The following CACNA1C variants were observed in gnomAD, a reference collection of about 807,000 sequenced individuals.
CACNA1C encodes the protein voltage-dependent L-type calcium channel subunit alpha-1C.
Under a neutral mutation model 229.0 loss-of-function variants are expected in CACNA1C, and 30 were observed. The ratio of observed to expected loss-of-function variants is 0.13; its 90% CI spans 0.10 to 0.18. The LOEUF is 0.18. Among genes scored for constraint, CACNA1C ranks in the 10% least tolerant of loss-of-function variants. The probability of loss-of-function intolerance (pLI) is 1.00; values close to 1 mark genes in which losing one functional copy is unlikely to be tolerated. For synonymous variants in CACNA1C, 1,114 were observed against 1,132.5 expected (o/e 0.98, Z 0.33); for missense variants, 1,658 against 2,845.0 (o/e 0.58, Z 9.49).
At position 2,371,724 on chromosome 12, in the gene CACNA1C, C is replaced by CT. The variant is rs61627008; in HGVS notation, c.478-77230dup. ...CAAGCACATACTAAATGACATATGGCTTTTTTTTTTTTTTTTTTTTTTAAT... is the reference window on the plus strand; with the variant it reads ...CAAGCACATACTAAATGACATATGGCTTTTTTTTTTTTTTTTTTTTTTTAAT... On this transcript the variant is annotated intron_variant, in intron 3 of 46. Transcript: ENST00000399655. 5.8e-3 allele frequency among the ~76,000 whole-genome samples: 742 copies of CT among 128,966 alleles called. 4 individuals are homozygous for CT. The highest frequency in any genetic ancestry group is 6.7e-3 in the Non-Finnish European group (413 of 62,014). 84.6% of individuals were successfully genotyped at this position (128,966 alleles called of 152,430 possible).
At chr12:1,973,947 C>T (rs2033422776) in intron 1 of CACNA1C, among the ~76,000 whole-genome samples, 1 of 152,184 alleles carries the variant, frequency 6.6e-6, no homozygotes, top group African/African-American at 2.4e-5. Flanking sequence ...TTTCTCACTC[C>T]TCTAGGAATA....
intron 1 of CACNA1C, among the ~76,000 whole-genome samples, chr12:2,001,697 T>C (rs367754215): frequency 4.6e-4 from 70 of 152,306 alleles, no homozygotes; most frequent in African/African-American, 1.6e-3. Context: ...GAGGTTTTAG[T>C]TTGGCATTTT....
At chr12:2,527,780 G>T (rs2099823995) in intron 9 of CACNA1C, among the ~76,000 whole-genome samples, 2 of 152,142 alleles carry the variant, frequency 1.3e-5, no homozygotes, top group African/African-American at 4.8e-5. Flanking sequence ...TCCCCACAGG[G>T]GAGAGCATCT....
intron 28 of CACNA1C, 132 bp downstream of exon 28, chr12:2,610,831 C>G (rs547979044): frequency 4.0e-5 from 35 of 873,968 alleles, no homozygotes; most frequent in Non-Finnish European, 5.6e-5. Flanking sequence ...TGGAGAAAGA[C>G]GAGTGTTCTC....
chr12:1,993,249 G>C, intron 1 of CACNA1C: 1 of 1,614,052 alleles, frequency 6.2e-7, no homozygotes, highest in Non-Finnish European at 8.5e-7. Flanking sequence ...ACCCACTGTA[G>C]TAAGAAAGAC....
chr12:2,461,086 C>T (rs1385438032), intron 5 of CACNA1C, among the ~76,000 whole-genome samples: 1 of 152,214 alleles, frequency 6.6e-6, no homozygotes, highest in Non-Finnish European at 1.5e-5. Context: ...AGAGTTGCCT[C>T]TACCTGTTGT....
intron 3 of CACNA1C, among the ~76,000 whole-genome samples, chr12:2,433,875 C>A (rs2154558974): frequency 6.6e-6 from 1 of 152,286 alleles, no homozygotes; most frequent in South Asian, 2.1e-4. Context: ...GCTGGGGAGA[C>A]AATTTGGGGC....
chr12:2,530,345 T>G (rs2099837907), intron 9 of CACNA1C, among the ~76,000 whole-genome samples: 1 of 152,248 alleles, frequency 6.6e-6, no homozygotes, highest in Non-Finnish European at 1.5e-5. Context: ...TGCATATTGA[T>G]AAATATGTTT....
Position 2,654,876 on chromosome 12 carries a change from CA to C in CACNA1C, c.4141-270del, listed in dbSNP as rs1226260037. 5.3e-5 allele frequency among the ~76,000 whole-genome samples: 8 copies of C among 152,198 alleles called. No homozygotes were observed. The highest frequency in any genetic ancestry group is 1.7e-4 in the African/African-American group (7 of 41,456). On this transcript the variant is annotated intron_variant, in intron 33 of 46. Transcript: ENST00000399655. This position sits in a 1 kb window ranked among gnomAD's most constrained non-coding sequence, Gnocchi z 4.4. ...GAAGCAGGATCCCGGTCCCAGCATC[CA>C]CCGCTCTCAGCCCCAGCTCCCACTG... is the stretch of plus-strand genomic sequence containing the variant.
Position 2,512,906 on chromosome 12 carries a change from C to T in CACNA1C, c.1312C>T (p.Leu438=). 6.2e-7 allele frequency: 1 copy of T among 1,612,964 alleles called. No homozygotes were observed. Among genetic ancestry groups the T allele is most frequent in the Non-Finnish European group, 8.5e-7 (1 of 1,179,550 alleles). The change falls in exon 9 of 47, where the codon CTG becomes TTG. Residue 438 remains leucine, a synonymous_variant. Coordinates refer to ENST00000399655, the MANE Select transcript of CACNA1C (RefSeq NM_000719.7). This position sits in a 1 kb window ranked among gnomAD's most constrained non-coding sequence, Gnocchi z 4.3. ...QQLEEDLKGY[L]DWITQAEDID... ...GCTAGAAGAGGATCTCAAAGGCTAC[C>T]TGGATTGGATCACTCAGGCCGAAGA...
intron 3 of CACNA1C, among the ~76,000 whole-genome samples, chr12:2,273,799 G>A (rs2086322572): frequency 6.6e-6 from 1 of 152,222 alleles, no homozygotes; most frequent in African/African-American, 2.4e-5. Context: ...CCCTCTCCCT[G>A]ACCCCGGGCT....
intron 3 of CACNA1C, among the ~76,000 whole-genome samples, chr12:2,327,399 TTG>T (rs2096362178): frequency 6.6e-6 from 1 of 152,244 alleles, no homozygotes; most frequent in Non-Finnish European, 1.5e-5. Flanking sequence ...GTTGATTAGG[TTG>T]CCTATCCTCC....
intron 9 of CACNA1C, among the ~76,000 whole-genome samples, chr12:2,522,947 T>G (rs2099812744): frequency 6.6e-6 from 1 of 152,148 alleles, no homozygotes; most frequent in African/African-American, 2.4e-5. Flanking sequence ...CGTTGCTCCC[T>G]CCGTACCATG....
chr12:2,459,525 G>C (rs1292820687), intron 5 of CACNA1C, among the ~76,000 whole-genome samples: 2 of 152,178 alleles, frequency 1.3e-5, no homozygotes, highest in Non-Finnish European at 2.9e-5. Context: ...AAGGCACGCA[G>C]AGCTGAGCAC....
In CACNA1C at chr12:2,488,088, G is replaced by T. The variant is rs2154570898; in HGVS notation, c.916+1826G>T. Among the ~76,000 whole-genome samples, 1 of 152,310 alleles carries T rather than the reference G, an allele frequency of 6.6e-6. No individual in the cohort carries two copies. On this transcript the variant is annotated intron_variant, in intron 6 of 46. Transcript: ENST00000399655. This position sits in a 1 kb window ranked among gnomAD's most constrained non-coding sequence, Gnocchi z 4.0. ...TAACAAAATGGGGGAGAGCGAAATG[G>T]TAGAATTCAGCCATCGAGCCAAAGA...
intron 7 of CACNA1C, among the ~76,000 whole-genome samples, chr12:2,500,637 G>A (rs1265661797): frequency 6.6e-6 from 1 of 152,140 alleles, no homozygotes; most frequent in Non-Finnish European, 1.5e-5. Context: ...AAGAAGGTGG[G>A]GTCTGTGACC....
intron 5 of CACNA1C, among the ~76,000 whole-genome samples, chr12:2,476,143 C>T (rs537729219): frequency 1.1e-4 from 16 of 152,324 alleles, no homozygotes; most frequent in African/African-American, 3.4e-4. Flanking sequence ...CACAGAGGGA[C>T]GGCCATCGTG....
chr12:2,487,597 A>G (rs2099702565), intron 6 of CACNA1C, among the ~76,000 whole-genome samples: 1 of 151,734 alleles, frequency 6.6e-6, no homozygotes, highest in Non-Finnish European at 1.5e-5. Flanking sequence ...CACTTTTTGG[A>G]TGGAAGTCTG....
intron 3 of CACNA1C, among the ~76,000 whole-genome samples, chr12:2,366,900 A>G (rs2097735483): frequency 1.3e-5 from 2 of 152,324 alleles, no homozygotes; most frequent in South Asian, 2.1e-4. Flanking sequence ...GAGAGAGCGC[A>G]TGCACAAAGG....
Sources: gnomAD v4.1 joint callset for allele counts (sites outside exome capture counted in the v4.1 genomes callset) on GRCh38, gnomAD v4.1.1 for gene constraint, Gnocchi (gnomAD v3.1) non-coding constraint, MANE v1.5 for transcripts, NCBI Gene and HGNC (gene_info 2026-07-23, HGNC 2026-07-21) for gene names.